IGF2BP3: variants seen among roughly 807,000 people sequenced by gnomAD.
IGF2BP3 encodes insulin like growth factor 2 mRNA binding protein 3.
IGF2BP3 carries 9 observed loss-of-function variants against 73.8 expected under a neutral mutation model. The ratio of observed to expected loss-of-function variants is 0.12; its 90% CI spans 0.07 to 0.21. The LOEUF is 0.21. IGF2BP3 is among the 10% of genes least tolerant of loss of function. The pLI, the probability that IGF2BP3 is intolerant of heterozygous loss-of-function variation, is 1.00. For missense variants in IGF2BP3, 542 were observed against 714.0 expected (o/e 0.76, Z 2.75); for synonymous variants, 258 against 256.7 (o/e 1.01, Z -0.05).
At chr7:23,404,114 C>G (rs1001898385) in intron 3 of IGF2BP3, among the ~76,000 whole-genome samples, 31 of 151,282 alleles carry the variant, frequency 2.0e-4, no homozygotes, top group African/African-American at 7.5e-4. Context: ...CTGACTCCAG[C>G]CTGGGTGACA....
chr7:23,453,682 CT>C (rs1788251502), intron 2 of IGF2BP3, among the ~76,000 whole-genome samples: 2 of 151,820 alleles, frequency 1.3e-5, no homozygotes, highest in Admixed American at 1.3e-4. Context: ...GCCAAGAAGT[CT>C]TTGCCAATTT....
chr7:23,334,107 G>A (rs1317935890), intron 10 of IGF2BP3, among the ~76,000 whole-genome samples: 4 of 152,066 alleles, frequency 2.6e-5, no homozygotes, highest in African/African-American at 4.8e-5. Flanking sequence ...AGGCTGAGGC[G>A]GGCGGATCCC....
intron 2 of IGF2BP3, among the ~76,000 whole-genome samples, chr7:23,428,606 C>G (rs1787585826): frequency 6.6e-6 from 1 of 150,466 alleles, no homozygotes; most frequent in African/African-American, 2.4e-5. Flanking sequence ...ACTTGGGAGG[C>G]TGAGGTGGGA....
intron 3 of IGF2BP3, among the ~76,000 whole-genome samples, chr7:23,379,167 G>A (rs983283836): frequency 6.6e-5 from 10 of 152,184 alleles, no homozygotes; most frequent in African/African-American, 2.4e-4. Context: ...TGTTACAAAT[G>A]TCTTTGAAAT....
At chr7:23,350,602 G>C (rs1434019562) in intron 6 of IGF2BP3, among the ~76,000 whole-genome samples, 2 of 152,172 alleles carry the variant, frequency 1.3e-5, no homozygotes, top group Non-Finnish European at 2.9e-5. Flanking sequence ...CACATGAAAG[G>C]CTTCAAACAT....
chr7:23,398,729 T>A (rs1786561918), intron 3 of IGF2BP3, among the ~76,000 whole-genome samples: 1 of 152,232 alleles, frequency 6.6e-6, no homozygotes, highest in Non-Finnish European at 1.5e-5. Context: ...AAGTGTCTGT[T>A]CATATCCTTT....
chr7:23,432,326 A>G (rs1787704217), intron 2 of IGF2BP3, among the ~76,000 whole-genome samples: 2 of 152,184 alleles, frequency 1.3e-5, no homozygotes, highest in Admixed American at 6.5e-5. Context: ...TCTTTCTTTT[A>G]GAAGATTAAA....
chr7:23,457,940 A>G (rs890167648), intron 2 of IGF2BP3, among the ~76,000 whole-genome samples: 6 of 152,218 alleles, frequency 3.9e-5, no homozygotes, highest in Non-Finnish European at 7.3e-5. Flanking sequence ...TAAATTAAAA[A>G]CACACCACCT....
intron 3 of IGF2BP3, among the ~76,000 whole-genome samples, chr7:23,363,096 T>A (rs1187316829): frequency 5.3e-5 from 8 of 152,216 alleles, no homozygotes; most frequent in Admixed American, 4.6e-4. Flanking sequence ...AAAATGTTTT[T>A]CAGGTGCCAG....
At chr7:23,356,325 A>G (rs1381988279) in intron 5 of IGF2BP3, among the ~76,000 whole-genome samples, 1 of 152,136 alleles carries the variant, frequency 6.6e-6, no homozygotes, top group African/African-American at 2.4e-5. Flanking sequence ...TGGGAGGCCA[A>G]GGAGGGAGGA....
intron 3 of IGF2BP3, among the ~76,000 whole-genome samples, chr7:23,384,242 G>T (rs1395950954): frequency 6.6e-6 from 1 of 151,944 alleles, no homozygotes; most frequent in East Asian, 1.9e-4. Context: ...ACAGAATAGG[G>T]AAATATAGAA....
intron 3 of IGF2BP3, among the ~76,000 whole-genome samples, chr7:23,373,094 C>A (rs1329432254): frequency 6.6e-6 from 1 of 152,156 alleles, no homozygotes; most frequent in Non-Finnish European, 1.5e-5. Context: ...ATTACCTGCA[C>A]TAGAAAATCA....
At chr7:23,368,860 G>A (rs1375657665) in intron 3 of IGF2BP3, among the ~76,000 whole-genome samples, 2 of 150,964 alleles carry the variant, frequency 1.3e-5, no homozygotes, top group East Asian at 1.9e-4. Context: ...TGGCGCCATT[G>A]CACTCCAGCC....
intron 2 of IGF2BP3, among the ~76,000 whole-genome samples, chr7:23,432,857 C>T (rs529460777): frequency 1.1e-4 from 16 of 152,180 alleles, no homozygotes; most frequent in Admixed American, 7.9e-4. Context: ...CCAGACTGGT[C>T]CTGGGCTCAA....
At chr7:23,366,638 C>A (rs1785381010) in intron 3 of IGF2BP3, among the ~76,000 whole-genome samples, 1 of 151,552 alleles carries the variant, frequency 6.6e-6, no homozygotes, top group Admixed American at 6.6e-5. Context: ...TGGTACCTAG[C>A]TGTGGAAAAA....
chr7:23,409,824 C>G (rs1786960937), intron 3 of IGF2BP3, among the ~76,000 whole-genome samples: 1 of 152,178 alleles, frequency 6.6e-6, no homozygotes. Context: ...ACCAAAAATA[C>G]TATTCATAAA....
chr7:23,333,848 G>C (rs1461160573), intron 10 of IGF2BP3, among the ~76,000 whole-genome samples: 2 of 152,178 alleles, frequency 1.3e-5, no homozygotes, highest in Non-Finnish European at 2.9e-5. Context: ...TCTGAGGCTT[G>C]GTGAAGACAT....
intron 10 of IGF2BP3, among the ~76,000 whole-genome samples, chr7:23,339,337 G>A (rs1784651290): frequency 6.6e-6 from 1 of 152,144 alleles, no homozygotes; most frequent in African/African-American, 2.4e-5. Context: ...TAGAAGTGCT[G>A]GAGAAATATA....
At position 23,319,125 on chromosome 7, in the gene IGF2BP3, G is replaced by C; in HGVS notation, c.1320+13C>G. The C allele has an allele frequency of 6.5e-7, 1 of 1,534,226 alleles. No homozygotes were observed. Among genetic ancestry groups the C allele is most frequent in the Non-Finnish European group, 9.0e-7 (1 of 1,112,740 alleles). On this transcript the variant is annotated intron_variant, in intron 11 of 14. Transcript: ENST00000258729. ...CTTAAAGAACCAGAGAACCACAGCT[G>C]GTAGAACAGTACCTTAATTGAAGCT...
Sources: allele counts gnomAD v4.1 joint callset (sites outside exome capture counted in the v4.1 genomes callset), GRCh38; gene constraint gnomAD v4.1.1; transcripts MANE v1.5; gene names NCBI Gene and HGNC (gene_info 2026-07-23, HGNC 2026-07-21).